HSDL2: variants seen among roughly 807,000 people sequenced by gnomAD.
The protein encoded by HSDL2 is hydroxysteroid dehydrogenase like 2.
Under a neutral mutation model 46.3 loss-of-function variants are expected in HSDL2, and 27 were observed. The ratio of observed to expected loss-of-function variants is 0.58; its 90% CI spans 0.43 to 0.80. The LOEUF is 0.80. Ranked by LOEUF, HSDL2 falls within the 30% of genes least tolerant of loss-of-function variation. The pLI is 0.00. For synonymous variants in HSDL2, 153 were observed against 163.6 expected, an observed-to-expected ratio of 0.94 and a Z score of 0.50; for missense variants, 451 against 502.7, an observed-to-expected ratio of 0.90 and a Z score of 0.98.
At chr9:112,451,352 G>T (rs1241687964) in intron 8 of HSDL2, among the ~76,000 whole-genome samples, 1 of 152,190 alleles carries the variant, frequency 6.6e-6, no homozygotes, top group Non-Finnish European at 1.5e-5. Context: ...GCATTGCAAA[G>T]GTTATAAAGT....
At chr9:112,384,990 C>T (rs755218374) in intron 1 of HSDL2, among the ~76,000 whole-genome samples, 7 of 151,950 alleles carry the variant, frequency 4.6e-5, no homozygotes, top group Non-Finnish European at 8.8e-5. Flanking sequence ...AATTGTTTTT[C>T]GTCTTTTAAC....
intron 6 of HSDL2, among the ~76,000 whole-genome samples, chr9:112,436,696 A>G (rs536416567): frequency 1.3e-5 from 2 of 152,080 alleles, no homozygotes; most frequent in Non-Finnish European, 2.9e-5. Flanking sequence ...TGGAAAGTAA[A>G]TAAATAAATA....
intron 4 of HSDL2, among the ~76,000 whole-genome samples, chr9:112,413,061 C>G (rs144748561): frequency 2.0e-5 from 3 of 152,074 alleles, no homozygotes; most frequent in African/African-American, 7.2e-5. Context: ...AAATATTGCT[C>G]CCAGTTAAAA....
At position 112,418,946 on chromosome 9, in the gene HSDL2, T is replaced by A; in HGVS notation, c.586T>A (p.Trp196Arg). ...AGGTGAAATTGCAGTCAATGCATTA[T>A]GGCCTAAAACAGGTATGTATTTTTA... Reference protein sequence around the residue: ...FKGEIAVNALWPKTAIHTAAM... With the variant: ...FKGEIAVNALRPKTAIHTAAM... The change falls in exon 6 of 11, where the codon TGG becomes AGG. Residue 196 changes from tryptophan to arginine, a missense_variant. Physicochemically the swap from Trp to Arg is moderately radical, Grantham distance 101. Coordinates refer to ENST00000398805, the MANE Select transcript of HSDL2 (RefSeq NM_032303.5). 1 of 1,583,756 alleles carries A rather than the reference T, an allele frequency of 6.3e-7. No individual in the cohort carries two copies.
chr9:112,461,862 T>C (rs1029482561), intron 10 of HSDL2, among the ~76,000 whole-genome samples: 1 of 152,230 alleles, frequency 6.6e-6, no homozygotes, highest in Admixed American at 6.5e-5. Context: ...TTATGTAGCA[T>C]ACAGTTGAAA....
At chr9:112,435,274 T>G (rs1367791628) in intron 6 of HSDL2, among the ~76,000 whole-genome samples, 3 of 152,184 alleles carry the variant, frequency 2.0e-5, no homozygotes, top group Admixed American at 6.5e-5. Context: ...TGACATATTT[T>G]ATTAGACTTC....
At chr9:112,413,312 C>T (rs565249055) in intron 4 of HSDL2, among the ~76,000 whole-genome samples, 5 of 151,810 alleles carry the variant, frequency 3.3e-5, no homozygotes, top group Non-Finnish European at 7.4e-5. Context: ...AACCCCGTCT[C>T]TACTAAAAAT....
rs1587955623 is a variant in HSDL2, at chr9:112,438,689, T to C, written c.793+64T>C. ...TTCCATATTTTCTGCAATGAACATA[T>C]CTGTTTTTTGTGTGTGTTTGTGTGA... On this transcript the variant is annotated intron_variant, in intron 7 of 10. Coordinates refer to ENST00000398805, the MANE Select transcript of HSDL2 (RefSeq NM_032303.5). 16 of 975,544 alleles carry C rather than the reference T, an allele frequency of 1.6e-5. No homozygotes were observed. In the East Asian group the frequency reaches 4.1e-4, roughly 25 times the overall value. The allele number at this position is 975,544 out of a possible 1,614,324, so 60.4% of individuals were successfully genotyped here. A position where few individuals can be genotyped will look rare whatever the true frequency, so the allele number is the denominator to read the frequency against.
intron 8 of HSDL2, among the ~76,000 whole-genome samples, chr9:112,453,160 G>C (rs140289877): frequency 1.3e-5 from 2 of 152,144 alleles, no homozygotes; most frequent in Non-Finnish European, 1.5e-5. Flanking sequence ...TGGGTGAAAG[G>C]ACTAGGTGAA....
At chr9:112,386,220 G>A (rs1004218503) in intron 1 of HSDL2, among the ~76,000 whole-genome samples, 3 of 151,958 alleles carry the variant, frequency 2.0e-5, no homozygotes, top group Non-Finnish European at 4.4e-5. Flanking sequence ...CAAGATTTCT[G>A]TACTTATTTA....
At chr9:112,409,872 A>C (rs367729608) in intron 4 of HSDL2, among the ~76,000 whole-genome samples, 1 of 152,016 alleles carries the variant, frequency 6.6e-6, no homozygotes, top group Non-Finnish European at 1.5e-5. Context: ...AAAAAAGACT[A>C]AAGTGTAGCT....
chr9:112,380,264 G>T, intron 1 of HSDL2, 84 bp downstream of exon 1: 1 of 1,385,580 alleles, frequency 7.2e-7, no homozygotes, highest in South Asian at 1.3e-5. Context: ...CGCCCGGGCT[G>T]GCCGGCCCGG....
In HSDL2 at chr9:112,416,928, G is replaced by C. The variant is rs764911390; in HGVS notation, c.483G>C (p.Trp161Cys). 1.1e-5 allele frequency: 18 copies of C among 1,582,326 alleles called. No individual in the cohort carries two copies. The highest frequency in any genetic ancestry group is 1.5e-5 in the Non-Finnish European group (17 of 1,151,820). Residue 161 changes from tryptophan to cysteine, a missense_variant, in exon 5 of 11, where the codon TGG (tryptophan) becomes TGC (cysteine). Physicochemically the swap from Trp to Cys is radical, Grantham distance 215. Coordinates refer to ENST00000398805, the MANE Select transcript of HSDL2 (RefSeq NM_032303.5). ...CACCACTGAACCTAAATCCAGTTTGGTTCAAACAGCACTGTGGTAGGTGGT... is the reference window on the plus strand; with the variant it reads ...CACCACTGAACCTAAATCCAGTTTGCTTCAAACAGCACTGTGGTAGGTGGT... ...ISPPLNLNPV[W>C]FKQHCAYTIA... is the part of the protein sequence containing the mutation.
intron 7 of HSDL2, among the ~76,000 whole-genome samples, chr9:112,439,836 A>G (rs1434402879): frequency 6.6e-6 from 1 of 152,250 alleles, no homozygotes. Context: ...TCTGCTGCTC[A>G]CTGCTATGCA....
At chr9:112,413,934 G>A in intron 4 of HSDL2, 1 of 202,050 alleles carries the variant, frequency 4.9e-6, no homozygotes, top group South Asian at 7.1e-5. Context: ...CTGACGTTCT[G>A]TATTTGTCCC....
rs190150389 is a variant in HSDL2, at chr9:112,388,868, G to A, written c.17+8688G>A. On this transcript the variant is annotated intron_variant, in intron 1 of 10. Coordinates refer to ENST00000398805, the MANE Select transcript of HSDL2 (RefSeq NM_032303.5). The stretch of plus-strand genomic sequence containing the variant: ...GGCTGCAAAAATGTTCTAGATTAAC[G>A]GAGACTAAAGAGATATGTCAATTAA... Among the ~76,000 whole-genome samples the A allele has an allele frequency of 1.7e-3, 262 of 150,788 alleles. 2 individuals carry two copies. Among genetic ancestry groups the A allele is most frequent in the African/African-American group, 6.3e-3 (256 of 40,702 alleles).
At chr9:112,421,078 C>A (rs1376096916) in intron 6 of HSDL2, among the ~76,000 whole-genome samples, 1 of 152,066 alleles carries the variant, frequency 6.6e-6, no homozygotes, top group Non-Finnish European at 1.5e-5. Flanking sequence ...GCTTGTAATC[C>A]CAACACTTTG....
intron 1 of HSDL2, among the ~76,000 whole-genome samples, chr9:112,399,005 C>T (rs1348004826): frequency 2.0e-5 from 3 of 152,196 alleles, no homozygotes; most frequent in African/African-American, 7.2e-5. Flanking sequence ...TTTCTGTGAA[C>T]CGGACCAATG....
intron 1 of HSDL2, among the ~76,000 whole-genome samples, chr9:112,402,395 A>C (rs1831622691): frequency 6.6e-6 from 1 of 151,730 alleles, no homozygotes; most frequent in Admixed American, 6.6e-5. Context: ...TGTCTGTACA[A>C]ACAATTTTAA....
Sources: allele counts gnomAD v4.1 joint callset (sites outside exome capture counted in the v4.1 genomes callset), GRCh38; gene constraint gnomAD v4.1.1; transcripts MANE v1.5; gene names NCBI Gene and HGNC (gene_info 2026-07-23, HGNC 2026-07-21).